Variants in TAMM41 observed in about 807,000 individuals in gnomAD.
TAMM41 encodes the protein phosphatidate cytidylyltransferase, mitochondrial.
TAMM41 carries 36 observed loss-of-function variants against 44.1 expected under a neutral mutation model. The ratio of observed to expected loss-of-function variants is 0.82; its 90% confidence interval spans 0.63 to 1.08. The LOEUF is 1.08. Among genes scored for constraint, TAMM41 ranks in the 50% least tolerant of loss-of-function variants. TAMM41 has a pLI of 0.00. For missense variants in TAMM41, 417 were observed against 404.3 expected, an observed-to-expected ratio of 1.03 and a Z score of -0.27; for synonymous variants, 164 against 153.1, an observed-to-expected ratio of 1.07 and a Z score of -0.53.
the TAMM41 span, among the ~76,000 whole-genome samples, chr3:11,731,781 A>T: frequency 6.6e-6 from 1 of 152,122 alleles, no homozygotes; most frequent in African/African-American, 2.4e-5. Context: ...TGCCCAGTCC[A>T]GCTTCCACGT....
At chr3:11,774,666 G>A in the TAMM41 span, among the ~76,000 whole-genome samples, 1 of 151,974 alleles carries the variant, frequency 6.6e-6, no homozygotes, top group South Asian at 2.1e-4. Flanking sequence ...TCAGTCTGCA[G>A]GCTGGGAAGT....
At chr3:11,747,224 G>A in the TAMM41 span, among the ~76,000 whole-genome samples, 2 of 152,062 alleles carry the variant, frequency 1.3e-5, no homozygotes, top group African/African-American at 2.4e-5. Flanking sequence ...CACCATGCCT[G>A]GCTAATTTTT....
the TAMM41 span, among the ~76,000 whole-genome samples, chr3:11,783,248 T>G: frequency 6.6e-6 from 1 of 152,204 alleles, no homozygotes; most frequent in African/African-American, 2.4e-5. Flanking sequence ...GCCAAACCAC[T>G]TTTTCTCCAG....
chr3:11,817,459 T>C (rs975573694), intron 4 of TAMM41, 122 bp from the exon 5 acceptor site: 1 of 1,002,274 alleles, frequency 1.0e-6, no homozygotes, highest in Non-Finnish European at 1.4e-6. Flanking sequence ...ATCAGAACAC[T>C]TGCTTTTCCT....
the TAMM41 span, among the ~76,000 whole-genome samples, chr3:11,752,689 G>C: frequency 2.5e-5 from 3 of 117,974 alleles, no homozygotes; most frequent in Non-Finnish European, 4.8e-5. Flanking sequence ...ACCCAGGCTT[G>C]AGTGCAGCTG....
chr3:11,833,030 T>C, intron 3 of TAMM41: 1 of 1,094,562 alleles, frequency 9.1e-7, no homozygotes. Flanking sequence ...GTTCGGAAGA[T>C]TCTGCTACTG....
the TAMM41 span, among the ~76,000 whole-genome samples, chr3:11,761,322 T>A: frequency 6.6e-6 from 1 of 152,160 alleles, no homozygotes; most frequent in Non-Finnish European, 1.5e-5. Flanking sequence ...TCAGTCTTCT[T>A]GAGGGCACTT....
chr3:11,752,221 TGAAGCCATGGA>T, the TAMM41 span, among the ~76,000 whole-genome samples: 1 of 152,068 alleles, frequency 6.6e-6, no homozygotes, highest in Non-Finnish European at 1.5e-5. Context: ...ACTTCAAGAA[TGAAGCCATGGA>T]CCTCGGCGGT....
intron 2 of TAMM41, 140 bp downstream of exon 2, chr3:11,843,889 C>G: frequency 1.2e-6 from 1 of 826,760 alleles, no homozygotes; most frequent in African/African-American, 1.7e-5. Flanking sequence ...ACTATAAAAA[C>G]ATACATATTT....
the TAMM41 span, among the ~76,000 whole-genome samples, chr3:11,772,662 T>G: frequency 6.6e-6 from 1 of 152,178 alleles, no homozygotes; most frequent in Non-Finnish European, 1.5e-5. Flanking sequence ...TGCATGCATC[T>G]TTTCCCTTTG....
chr3:11,761,972 A>C, the TAMM41 span, among the ~76,000 whole-genome samples: 1 of 150,768 alleles, frequency 6.6e-6, no homozygotes, highest in African/African-American at 2.4e-5. Context: ...AAAAAGAAAG[A>C]AAGAAAAGAA....
chr3:11,808,053 A>G, intron 6 of TAMM41, 158 bp from the exon 7 acceptor site: 2 of 1,364,130 alleles, frequency 1.5e-6, no homozygotes, highest in Non-Finnish European at 1.9e-6. Context: ...TGAAAAGGGC[A>G]GTGGGATTGA....
the TAMM41 span, among the ~76,000 whole-genome samples, chr3:11,747,588 G>A: frequency 6.6e-6 from 1 of 151,684 alleles, no homozygotes; most frequent in South Asian, 2.1e-4. Flanking sequence ...GCAATATAGC[G>A]AGACTCCATC....
chr3:11,843,964 G>A, intron 2 of TAMM41, 65 bp downstream of exon 2: 1 of 1,520,504 alleles, frequency 6.6e-7, no homozygotes, highest in Non-Finnish European at 9.0e-7. Context: ...TACATATTTA[G>A]CTGGCACTCT....
At chr3:11,743,985 A>C in the TAMM41 span, among the ~76,000 whole-genome samples, 1 of 152,192 alleles carries the variant, frequency 6.6e-6, no homozygotes, top group South Asian at 2.1e-4. Context: ...AAGCCAGTAC[A>C]ACCATAGCCA....
the TAMM41 span, among the ~76,000 whole-genome samples, chr3:11,757,372 C>T: frequency 6.6e-6 from 1 of 152,200 alleles, no homozygotes; most frequent in Non-Finnish European, 1.5e-5. Flanking sequence ...CTGGAACTCT[C>T]TTGAGAGTCC....
chr3:11,761,198 G>A, the TAMM41 span, among the ~76,000 whole-genome samples: 2 of 151,060 alleles, frequency 1.3e-5, no homozygotes, highest in Non-Finnish European at 3.0e-5. Flanking sequence ...TCAGGTTGTT[G>A]TTTTATTTTC....
chr3:11,799,613 T>C (rs1302324989), intron 7 of TAMM41, among the ~76,000 whole-genome samples: 3 of 152,192 alleles, frequency 2.0e-5, no homozygotes, highest in African/African-American at 7.2e-5. Flanking sequence ...GTGGCATCAT[T>C]AGAAGTGAAG....
At chr3:11,773,512 T>C in the TAMM41 span, among the ~76,000 whole-genome samples, 1 of 151,866 alleles carries the variant, frequency 6.6e-6, no homozygotes, top group African/African-American at 2.4e-5. Flanking sequence ...TGAGCCACCG[T>C]GCCCAGCCCC....
Sources: allele counts gnomAD v4.1 joint callset (sites outside exome capture counted in the v4.1 genomes callset), GRCh38; gene constraint gnomAD v4.1.1; transcripts MANE v1.5; gene names NCBI Gene and HGNC (gene_info 2026-07-23, HGNC 2026-07-21).